Variants in CCDC30 observed in about 807,000 individuals in gnomAD.
CCDC30 encodes coiled-coil domain-containing protein 30.
Under a neutral mutation model 100.2 loss-of-function variants are expected in CCDC30, and 70 were observed. That is an observed-to-expected ratio of 0.70 (90% CI 0.58 to 0.85). The LOEUF is 0.85. Ranked by LOEUF, CCDC30 falls within the 40% of genes least tolerant of loss-of-function variation. CCDC30 has a pLI of 0.00. For synonymous variants in CCDC30, 233 were observed against 269.5 expected (o/e 0.86, Z 1.33); for missense variants, 652 against 771.2 (o/e 0.85, Z 1.83).
rs35373038 is a variant in CCDC30 at position 42,596,528 on chromosome 1, GA to G, written c.1164+7055del. ...GTCCCACAAAAGGGAGGTGGGTGGA[GA>G]AAAAAAAAACTAGCACGTGTGAAAT... On this transcript the variant is annotated intron_variant, in intron 10 of 16. Coordinates refer to ENST00000668663, the Ensembl canonical transcript of CCDC30. The surrounding 1 kb of genome is among the most constrained non-coding windows in gnomAD (Gnocchi z 4.3). Among the ~76,000 whole-genome samples, 38 of 147,776 alleles carry G rather than the reference GA, an allele frequency of 2.6e-4. No individual in the cohort carries two copies. Among genetic ancestry groups the G allele is most frequent in the Admixed American group, 4.1e-4 (6 of 14,798 alleles).
At chr1:42,618,512 A>G (rs536831808) in intron 11 of CCDC30, among the ~76,000 whole-genome samples, 2 of 152,174 alleles carry the variant, frequency 1.3e-5, no homozygotes, top group Non-Finnish European at 2.9e-5. Context: ...CTGGGATTAC[A>G]AGCGTGAGCC....
intron 6 of CCDC30, among the ~76,000 whole-genome samples, chr1:42,518,030 G>A (rs563362634): frequency 3.3e-5 from 5 of 152,212 alleles, no homozygotes; most frequent in African/African-American, 1.2e-4. Flanking sequence ...AATTTTGATA[G>A]GGATTATATT....
At chr1:42,649,566 C>A (rs1193748126) in intron 15 of CCDC30, among the ~76,000 whole-genome samples, 3 of 152,152 alleles carry the variant, frequency 2.0e-5, no homozygotes, top group African/African-American at 7.2e-5. Context: ...ACGCTCACCA[C>A]TTCTATTTCA....
rs183309297 is a variant in CCDC30 at position 42,624,124 on chromosome 1, T to C, written c.1277+13034T>C. Among the ~76,000 whole-genome samples the C allele has an allele frequency of 1.1e-3, 167 of 152,338 alleles. 2 individuals carry two copies. The highest frequency in any genetic ancestry group is 9.7e-3 in the Admixed American group (149 of 15,300). ...GAATTTGTTTATGAGTTCTAGTACT[T>C]CTTTAATGGAGTCTTTAGGTTTTTC... On this transcript the variant is annotated intron_variant, in intron 11 of 16. Coordinates refer to ENST00000668663, the Ensembl canonical transcript of CCDC30.
At position 42,542,613 on chromosome 1, in the gene CCDC30, C is replaced by A. The variant is rs1300837255; in HGVS notation, c.457-23683C>A. Among the ~76,000 whole-genome samples the A allele has an allele frequency of 1.1e-4, 15 of 132,952 alleles. 2 individuals are homozygous for A. The highest frequency in any genetic ancestry group is 4.2e-4 in the African/African-American group (15 of 36,112). The allele number at this position is 132,952 out of a possible 152,430, so 87.2% of individuals were successfully genotyped here. On this transcript the variant is annotated intron_variant, in intron 6 of 16. Coordinates refer to ENST00000668663, the Ensembl canonical transcript of CCDC30. ...GGCCGGACTGCGGACTGCAGTGGCG[C>A]AATCTCGGCTCACTGCAAGCTCCGC...
At chr1:42,521,836 A>G (rs981998981) in intron 6 of CCDC30, among the ~76,000 whole-genome samples, 1 of 151,798 alleles carries the variant, frequency 6.6e-6, no homozygotes, top group Non-Finnish European at 1.5e-5. Context: ...TTGAAATTGA[A>G]TGTTTATTTT....
intron 6 of CCDC30, among the ~76,000 whole-genome samples, chr1:42,512,450 TGGG>T (rs1057424142): frequency 1.3e-5 from 2 of 151,568 alleles, no homozygotes; most frequent in African/African-American, 4.8e-5. Flanking sequence ...CTGTGGCGGG[TGGG>T]GGGAGACCCT....
At chr1:42,549,227 G>A (rs145722207) in intron 6 of CCDC30, among the ~76,000 whole-genome samples, 1 of 152,296 alleles carries the variant, frequency 6.6e-6, no homozygotes, top group East Asian at 1.9e-4. Flanking sequence ...ATTGGGTTTT[G>A]TGTAAGATTT....
exon 14 of CCDC30, chr1:42,644,734 A>G: frequency 1.9e-6 from 3 of 1,613,390 alleles, no homozygotes; most frequent in African/African-American, 2.7e-5. Flanking sequence ...TTACAGGAAA[A>G]TAGTCTTCGT....
intron 6 of CCDC30, among the ~76,000 whole-genome samples, chr1:42,532,079 C>T (rs113526900): frequency 0.012 from 1,847 of 151,952 alleles, 31 homozygotes; most frequent in African/African-American, 0.041. Flanking sequence ...ATTGCTTGAG[C>T]CTAGGAGTTT....
At chr1:42,615,531 T>G (rs940171986) in intron 11 of CCDC30, among the ~76,000 whole-genome samples, 13 of 152,022 alleles carry the variant, frequency 8.6e-5, no homozygotes, top group African/African-American at 2.9e-4. Flanking sequence ...GCTCCTGACC[T>G]CAAATGATCC....
intron 12 of CCDC30, among the ~76,000 whole-genome samples, chr1:42,639,436 C>G (rs1246764541): frequency 6.6e-6 from 1 of 152,224 alleles, no homozygotes; most frequent in East Asian, 1.9e-4. Context: ...ATTTCTGTCA[C>G]TCAAAACTAT....
At chr1:42,618,442 G>T (rs528924333) in intron 11 of CCDC30, among the ~76,000 whole-genome samples, 1 of 152,132 alleles carries the variant, frequency 6.6e-6, no homozygotes, top group East Asian at 1.9e-4. Flanking sequence ...CTCCATGTTG[G>T]TCAGGCTGGT....
intron 8 of CCDC30, among the ~76,000 whole-genome samples, chr1:42,579,324 G>A (rs1308949875): frequency 6.6e-6 from 1 of 151,792 alleles, no homozygotes; most frequent in Admixed American, 6.6e-5. Flanking sequence ...GAGAGGCGAG[G>A]CGAGGCAAGT....
At chr1:42,573,917 C>G (rs776633961) in intron 7 of CCDC30, among the ~76,000 whole-genome samples, 2 of 151,944 alleles carry the variant, frequency 1.3e-5, no homozygotes, top group Non-Finnish European at 2.9e-5. Flanking sequence ...ATTACTTTGA[C>G]TGATTTTCTA....
At chr1:42,547,017 G>A (rs1359210726) in intron 6 of CCDC30, among the ~76,000 whole-genome samples, 1 of 152,146 alleles carries the variant, frequency 6.6e-6, no homozygotes, top group African/African-American at 2.4e-5. Flanking sequence ...TCTAAAGATA[G>A]AAGGAGATTA....
intron 10 of CCDC30, among the ~76,000 whole-genome samples, chr1:42,602,901 C>G (rs1383462710): frequency 6.6e-6 from 1 of 152,120 alleles, no homozygotes; most frequent in Non-Finnish European, 1.5e-5. Flanking sequence ...AAACCATATC[C>G]AACAATGTAT....
intron 11 of CCDC30, among the ~76,000 whole-genome samples, chr1:42,629,939 A>G (rs553257674): frequency 7.1e-6 from 1 of 141,392 alleles, no homozygotes; most frequent in South Asian, 2.3e-4. Flanking sequence ...CACGCTCTTT[A>G]AGGCCAATAA....
At chr1:42,586,170 A>G (rs1227154703) in intron 9 of CCDC30, among the ~76,000 whole-genome samples, 1 of 152,240 alleles carries the variant, frequency 6.6e-6, no homozygotes, top group South Asian at 2.1e-4. Context: ...TAAATAGACA[A>G]TAGTATGGAG....
Sources: gnomAD v4.1 joint callset for allele counts (sites outside exome capture counted in the v4.1 genomes callset) on GRCh38, gnomAD v4.1.1 for gene constraint, Gnocchi (gnomAD v3.1) non-coding constraint, MANE v1.5 for transcripts, NCBI Gene and HGNC (gene_info 2026-07-23, HGNC 2026-07-21) for gene names.